PRSS48: variants seen among roughly 807,000 people sequenced by gnomAD.
PRSS48 encodes epidermis-specific serine protease-like protein.
A neutral mutation model predicts 25.6 loss-of-function variants in PRSS48; 21 were observed. The observed-to-expected ratio is 0.82, with a 90% CI of 0.58 to 1.18. PRSS48 has a LOEUF of 1.18. Ranked by LOEUF, PRSS48 falls within the 50% of genes most tolerant of loss-of-function variation. PRSS48 has a pLI of 0.00. For synonymous variants in PRSS48, 150 were observed against 149.3 expected (o/e 1.00, Z -0.04); for missense variants, 373 against 399.3 (o/e 0.93, Z 0.56).
rs976574254 is a variant in PRSS48 at position 151,291,002 on chromosome 4, G to A, written c.652-116G>A. 6 of 706,048 alleles carry A rather than the reference G, an allele frequency of 8.5e-6. No homozygotes were observed. In the African/African-American group the frequency reaches 8.9e-5, roughly 11 times the overall value. 43.7% of individuals were successfully genotyped at this position (706,048 alleles called of 1,614,324 possible). ...AGTGATTAGTCCAGCCCCCTGCAGG[G>A]TTCCACAGCTCCATGGGTCTCATGG... is the stretch of plus-strand genomic sequence containing the variant. On this transcript the variant is annotated intron_variant, in intron 4 of 4. Coordinates refer to ENST00000455694, the Ensembl canonical transcript of PRSS48.
chr4:151,290,673 A>G (rs1280821432), intron 4 of PRSS48, among the ~76,000 whole-genome samples: 1 of 152,214 alleles, frequency 6.6e-6, no homozygotes, highest in African/African-American at 2.4e-5. Context: ...TAGTATGTGA[A>G]TTATATGACA....
chr4:151,291,326 C>T, exon 5 of PRSS48: 1 of 1,613,960 alleles, frequency 6.2e-7, no homozygotes, highest in Non-Finnish European at 8.5e-7. Context: ...CTCTCTCTGG[C>T]TCTCCTGCGT....
chr4:151,290,778 T>C (rs1775248400), intron 4 of PRSS48, among the ~76,000 whole-genome samples: 1 of 152,204 alleles, frequency 6.6e-6, no homozygotes, highest in African/African-American at 2.4e-5. Context: ...TACTTAACAC[T>C]AAACAAGAGC....
At chr4:151,291,279 T>A (rs1385005314) in exon 5 of PRSS48, 5 of 1,613,990 alleles carry the variant, frequency 3.1e-6, no homozygotes, top group Middle Eastern at 1.6e-4. Context: ...GAGCCAACAA[T>A]CTAGACTTCT....
At chr4:151,282,074 T>C (rs1774289733) in intron 2 of PRSS48, 74 bp from the exon 3 acceptor site, 4 of 1,496,930 alleles carry the variant, frequency 2.7e-6, no homozygotes, top group Non-Finnish European at 3.7e-6. Context: ...GAGTAGAGAC[T>C]TAGTGCTACA....
At chr4:151,287,266 G>T (rs531159156) in intron 4 of PRSS48, among the ~76,000 whole-genome samples, 4 of 149,634 alleles carry the variant, frequency 2.7e-5, no homozygotes, top group Admixed American at 2.0e-4. Context: ...ACTTGAACCC[G>T]GGAGGCAGAG....
intron 4 of PRSS48, among the ~76,000 whole-genome samples, chr4:151,283,507 ACT>A (rs1774449659): frequency 9.8e-6 from 1 of 102,464 alleles, no homozygotes; most frequent in African/African-American, 3.3e-5. Flanking sequence ...TGGTCATTGG[ACT>A]TTTTTTTTTT....
downstream of PRSS48, chr4:151,291,595 T>C: frequency 1.6e-6 from 1 of 615,706 alleles, no homozygotes; most frequent in Non-Finnish European, 2.8e-6. Context: ...GTACATTCTT[T>C]GTCCTTGACT....
intron 4 of PRSS48, among the ~76,000 whole-genome samples, chr4:151,284,346 T>G (rs1278247179): frequency 6.6e-6 from 1 of 152,202 alleles, no homozygotes; most frequent in African/African-American, 2.4e-5. Context: ...TCATTTACAT[T>G]TTAAGTCCAT....
exon 5 of PRSS48, chr4:151,291,316 C>G (rs750881544): frequency 1.2e-6 from 2 of 1,613,930 alleles, no homozygotes; most frequent in Non-Finnish European, 1.7e-6. Flanking sequence ...TATTGTCCTA[C>G]TCTCTCTGGC....
intron 4 of PRSS48, among the ~76,000 whole-genome samples, chr4:151,287,850 AG>A (rs1384872487): frequency 1.3e-5 from 2 of 152,200 alleles, no homozygotes; most frequent in African/African-American, 2.4e-5. Context: ...ACCACATTCC[AG>A]CCTGGGAGAC....
intron 4 of PRSS48, among the ~76,000 whole-genome samples, chr4:151,288,175 C>T (rs973723929): frequency 3.9e-5 from 6 of 152,044 alleles, no homozygotes; most frequent in Non-Finnish European, 7.4e-5. Context: ...TAAAATACTT[C>T]GTGGTAAAAT....
intron 4 of PRSS48, among the ~76,000 whole-genome samples, chr4:151,286,364 A>G (rs79097365): frequency 1.3e-5 from 2 of 148,410 alleles, no homozygotes; most frequent in Admixed American, 6.8e-5. Flanking sequence ...ACTGAGCAAG[A>G]AAAAAAAAAG....
intron 4 of PRSS48, among the ~76,000 whole-genome samples, chr4:151,287,303 T>C (rs1774895077): frequency 3.5e-5 from 5 of 141,164 alleles, no homozygotes; most frequent in Admixed American, 3.0e-4. Flanking sequence ...ATCATGCCAC[T>C]GTACTCCAGC....
intron 4 of PRSS48, 45 bp downstream of exon 4, chr4:151,283,331 A>C (rs1342176880): frequency 5.1e-6 from 8 of 1,574,626 alleles, no homozygotes; most frequent in Non-Finnish European, 7.0e-6. Context: ...ATGAGATCTT[A>C]ATTTGGATCC....
intron 4 of PRSS48, among the ~76,000 whole-genome samples, chr4:151,285,422 G>T: frequency 6.6e-6 from 1 of 152,030 alleles, no homozygotes; most frequent in East Asian, 1.9e-4. Flanking sequence ...TAATCACAAT[G>T]GAATGAAATT....
rs1218765261 is a variant in PRSS48, at chr4:151,283,282, G to A, written c.647G>A (p.Cys216Tyr). 1.9e-6 allele frequency: 3 copies of A among 1,613,410 alleles called. No homozygotes were observed. In the South Asian group the frequency reaches 3.3e-5, roughly 18 times the overall value. Residue 216 changes from cysteine (C) to tyrosine (Y), a missense_variant, in exon 4 of 5, where the codon TGC (cysteine) becomes TAC (tyrosine). Transcript: ENST00000455694. The stretch of plus-strand genomic sequence containing the variant: ...GATACTCAAAACATGAAGGATAGTT[G>A]CAAGGTCAGGGTTTGCTCTAGAGAA...
intron 3 of PRSS48, 64 bp from the exon 4 acceptor site, chr4:151,283,053 A>G (rs1384895071): frequency 6.7e-7 from 1 of 1,494,438 alleles, no homozygotes; most frequent in Non-Finnish European, 9.3e-7. Flanking sequence ...GCACATCATG[A>G]CTGAATGCTG....
intron 2 of PRSS48, 138 bp from the exon 3 acceptor site, chr4:151,282,010 T>C (rs939967135): frequency 2.5e-6 from 2 of 810,926 alleles, no homozygotes; most frequent in East Asian, 2.4e-5. Context: ...AAATCAACCC[T>C]AGTTGAAGTT....
Sources: allele counts gnomAD v4.1 joint callset (sites outside exome capture counted in the v4.1 genomes callset), GRCh38; gene constraint gnomAD v4.1.1; transcripts MANE v1.5; gene names NCBI Gene and HGNC (gene_info 2026-07-23, HGNC 2026-07-21).